HS3ST4: variants seen among roughly 807,000 people sequenced by gnomAD.
HS3ST4 encodes heparan sulfate glucosamine 3-O-sulfotransferase 4.
HS3ST4 carries 17 observed loss-of-function variants against 29.2 expected under a neutral mutation model. The observed-to-expected ratio is 0.58, with a 90% CI of 0.40 to 0.87. HS3ST4 has a LOEUF of 0.87. HS3ST4 is among the 40% of genes least tolerant of loss of function. The pLI is 0.00. For synonymous variants in HS3ST4, 314 were observed against 285.7 expected, an observed-to-expected ratio of 1.10 and a Z score of -1.00; for missense variants, 627 against 634.5, an observed-to-expected ratio of 0.99 and a Z score of 0.13.
At chr16:25,709,568 A>T (rs1414069784) in intron 1 of HS3ST4, among the ~76,000 whole-genome samples, 1 of 152,178 alleles carries the variant, frequency 6.6e-6, no homozygotes, top group African/African-American at 2.4e-5. Context: ...TTGCATGGAG[A>T]TAGAGGACCT....
In HS3ST4 at chr16:25,692,202, TG is replaced by T. The variant is rs1966253313; in HGVS notation, c.-212del. ...GGCCACCCGGACTCGGCGGGCAGCG[TG>T]GGGCGGGGGGCCATGCGGCCGGGCT... On this transcript the variant is annotated 5_prime_UTR_variant, in exon 1 of 2. Transcript: ENST00000331351. The T allele has an allele frequency of 7.0e-6, 1 of 141,916 alleles. No individual in the cohort carries two copies. The allele number at this position is 141,916 out of a possible 1,614,324, so 8.8% of individuals were successfully genotyped here. A position where few individuals can be genotyped will look rare whatever the true frequency, so the allele number is the denominator to read the frequency against.
In HS3ST4 at chr16:26,013,022, G is replaced by A. The variant is rs910527085; in HGVS notation, c.735-122590G>A. Among the ~76,000 whole-genome samples the A allele has an allele frequency of 1.6e-4, 24 of 152,174 alleles. No individual in the cohort carries two copies. In the East Asian group the frequency reaches 4.3e-3, roughly 27 times the overall value. On this transcript the variant is annotated intron_variant, in intron 1 of 1. Coordinates refer to ENST00000331351, the MANE Select transcript of HS3ST4 (RefSeq NM_006040.3). ...TACTAAAAATACAAAAATTAGCTGG[G>A]TGTGGTGGCGCGTGCCTGTAATCCC...
At chr16:25,892,592 T>C (rs1968021056) in intron 1 of HS3ST4, among the ~76,000 whole-genome samples, 1 of 152,168 alleles carries the variant, frequency 6.6e-6, no homozygotes, top group Non-Finnish European at 1.5e-5. Flanking sequence ...CCGTCTTTGA[T>C]TGCAGGTGAC....
At chr16:25,748,285 A>G (rs1326309463) in intron 1 of HS3ST4, among the ~76,000 whole-genome samples, 4 of 152,048 alleles carry the variant, frequency 2.6e-5, no homozygotes, top group Non-Finnish European at 5.9e-5. Flanking sequence ...ACTGTGCCCC[A>G]TTAGCTGAAA....
At chr16:26,036,851 A>G (rs558391389) in intron 1 of HS3ST4, among the ~76,000 whole-genome samples, 26 of 152,328 alleles carry the variant, frequency 1.7e-4, no homozygotes, top group African/African-American at 5.8e-4. Flanking sequence ...CATTGGAAAG[A>G]GCTCATAGGA....
At chr16:25,860,531 A>T (rs1967626068) in intron 1 of HS3ST4, among the ~76,000 whole-genome samples, 2 of 152,184 alleles carry the variant, frequency 1.3e-5, no homozygotes, top group South Asian at 4.1e-4. Flanking sequence ...ATGGACTATT[A>T]TTCAGTGCTG....
intron 1 of HS3ST4, among the ~76,000 whole-genome samples, chr16:25,824,189 G>C (rs886708859): frequency 6.6e-6 from 1 of 152,166 alleles, no homozygotes; most frequent in African/African-American, 2.4e-5. Flanking sequence ...CTGATAGGGA[G>C]GCCTGGCTCA....
At chr16:25,950,313 CAA>C (rs1346863097) in intron 1 of HS3ST4, among the ~76,000 whole-genome samples, 1 of 152,042 alleles carries the variant, frequency 6.6e-6, no homozygotes, top group African/African-American at 2.4e-5. Flanking sequence ...CACATCACTC[CAA>C]TGTAAACTGT....
rs201454599 is a variant in HS3ST4, at chr16:26,105,984, AG to A, written c.735-29626del. Among the ~76,000 whole-genome samples the A allele has an allele frequency of 6.2e-3, 945 of 152,344 alleles. 13 individuals are homozygous for A. Among genetic ancestry groups the A allele is most frequent in the African/African-American group, 0.021 (889 of 41,590 alleles). On this transcript the variant is annotated intron_variant, in intron 1 of 1. Coordinates refer to ENST00000331351, the MANE Select transcript of HS3ST4 (RefSeq NM_006040.3). ...ATAGAAAGAGAAGATGAAGAAGAGT[AG>A]GAAGGGGAAGAACAGAAAAATAAGG...
intron 1 of HS3ST4, among the ~76,000 whole-genome samples, chr16:25,746,790 A>G (rs1288897016): frequency 6.6e-6 from 1 of 152,018 alleles, no homozygotes; most frequent in African/African-American, 2.4e-5. Flanking sequence ...TGACCTCATG[A>G]TCTGCCCACC....
At chr16:26,055,928 C>A (rs1047840253) in intron 1 of HS3ST4, among the ~76,000 whole-genome samples, 2 of 151,980 alleles carry the variant, frequency 1.3e-5, no homozygotes, top group Non-Finnish European at 2.9e-5. Flanking sequence ...TTACAGGGTT[C>A]GGGCTCACTG....
intron 1 of HS3ST4, among the ~76,000 whole-genome samples, chr16:26,053,392 CAG>C: frequency 6.6e-6 from 1 of 152,288 alleles, no homozygotes; most frequent in Admixed American, 6.5e-5. Context: ...AAACATCACA[CAG>C]AGAAAAATAT....
At chr16:25,849,304 G>A (rs555082331) in intron 1 of HS3ST4, among the ~76,000 whole-genome samples, 8 of 152,180 alleles carry the variant, frequency 5.3e-5, no homozygotes, top group East Asian at 3.9e-4. Flanking sequence ...ATACATGTAC[G>A]TGTATACATG....
intron 1 of HS3ST4, among the ~76,000 whole-genome samples, chr16:26,077,112 C>T (rs1898672223): frequency 6.6e-6 from 1 of 152,208 alleles, no homozygotes; most frequent in South Asian, 2.1e-4. Flanking sequence ...CATGGTGCCT[C>T]ACTCACTTGA....
intron 1 of HS3ST4, among the ~76,000 whole-genome samples, chr16:25,964,481 T>C (rs1968824466): frequency 6.6e-6 from 1 of 152,204 alleles, no homozygotes; most frequent in African/African-American, 2.4e-5. Context: ...ATACTTGATG[T>C]GTTTCAACCT....
At chr16:25,904,598 AAGTC>A (rs1183457806) in intron 1 of HS3ST4, among the ~76,000 whole-genome samples, 1 of 152,202 alleles carries the variant, frequency 6.6e-6, no homozygotes, top group African/African-American at 2.4e-5. Context: ...AGGGCAATGA[AAGTC>A]ATTCATTCAT....
intron 1 of HS3ST4, among the ~76,000 whole-genome samples, chr16:25,730,315 CT>C (rs770639430): frequency 1.1e-4 from 16 of 152,008 alleles, no homozygotes; most frequent in Admixed American, 3.3e-4. Context: ...TTGTTTTCTT[CT>C]TGTTTCATTT....
intron 1 of HS3ST4, among the ~76,000 whole-genome samples, chr16:25,775,065 A>G (rs938219196): frequency 9.2e-5 from 14 of 152,170 alleles, no homozygotes; most frequent in African/African-American, 3.1e-4. Context: ...TGTCGCACCC[A>G]CCACATTTAT....
intron 1 of HS3ST4, among the ~76,000 whole-genome samples, chr16:25,703,952 C>T (rs1053613908): frequency 6.6e-6 from 1 of 152,156 alleles, no homozygotes; most frequent in Non-Finnish European, 1.5e-5. Context: ...TATTGCTCTC[C>T]AAAGTTATCC....
Sources: gnomAD v4.1 joint callset for allele counts (sites outside exome capture counted in the v4.1 genomes callset) on GRCh38, gnomAD v4.1.1 for gene constraint, MANE v1.5 for transcripts, NCBI Gene and HGNC (gene_info 2026-07-23, HGNC 2026-07-21) for gene names.